ZMYND8: variants seen among roughly 807,000 people sequenced by gnomAD.
The protein encoded by ZMYND8 is MYND-type zinc finger-containing chromatin reader ZMYND8.
Under a neutral mutation model 140.8 loss-of-function variants are expected in ZMYND8, and 37 were observed. That is an observed-to-expected ratio of 0.26 (90% CI 0.20 to 0.35). ZMYND8 has a LOEUF of 0.35. Ranked by LOEUF, ZMYND8 falls within the 10% of genes least tolerant of loss-of-function variation. The pLI is 1.00. For missense variants in ZMYND8, 1,068 were observed against 1,570.0 expected, an observed-to-expected ratio of 0.68 and a Z score of 5.40; for synonymous variants, 592 against 597.1, an observed-to-expected ratio of 0.99 and a Z score of 0.12.
chr20:47,271,072 G>A (rs539966536), intron 11 of ZMYND8, among the ~76,000 whole-genome samples: 11 of 151,680 alleles, frequency 7.3e-5, no homozygotes, highest in Admixed American at 3.3e-4. Flanking sequence ...GTGAGACTCC[G>A]TCTAAAAAGA....
intron 21 of ZMYND8, 140 bp downstream of exon 21, chr20:47,220,117 AC>A: frequency 1.6e-6 from 1 of 607,154 alleles, no homozygotes. Flanking sequence ...ACCCCCACTG[AC>A]CCACCCCAGG....
At chr20:47,216,202 C>CA (rs768047907) in intron 21 of ZMYND8, among the ~76,000 whole-genome samples, 4 of 152,134 alleles carry the variant, frequency 2.6e-5, no homozygotes, top group Non-Finnish European at 4.4e-5. Flanking sequence ...TGGGTCACAA[C>CA]ACAGGCCTCT....
intron 3 of ZMYND8, among the ~76,000 whole-genome samples, chr20:47,307,207 T>A (rs541907435): frequency 5.7e-4 from 86 of 151,892 alleles, no homozygotes; most frequent in Non-Finnish European, 7.8e-4. Context: ...TACCAGCACT[T>A]TGGGAGGCCG....
In ZMYND8 at chr20:47,338,675, T is replaced by C. The variant is rs551973639; in HGVS notation, c.85+9181A>G. ...AAGCTACCACCACCGCCACTCACTA[T>C]GGGGCACGAGAGCTCAGTTTCACAT... On this transcript the variant is annotated intron_variant, in intron 2 of 22. Coordinates refer to ENST00000471951, the MANE Select transcript of ZMYND8 (RefSeq NM_001281775.3). 3.3e-5 allele frequency among the ~76,000 whole-genome samples: 5 copies of C among 152,282 alleles called. No homozygotes were observed. In the East Asian group the frequency reaches 5.8e-4, roughly 18 times the overall value.
chr20:47,224,879 C>T (rs1325045621), intron 18 of ZMYND8, among the ~76,000 whole-genome samples: 2 of 151,326 alleles, frequency 1.3e-5, no homozygotes, highest in Non-Finnish European at 2.9e-5. Context: ...CCAAAACTCA[C>T]TTTCTATCCT....
chr20:47,245,064 C>G (rs11906524), intron 14 of ZMYND8, among the ~76,000 whole-genome samples: 11,647 of 152,050 alleles, frequency 0.077, 632 homozygotes, highest in South Asian at 0.21. Flanking sequence ...TCCGCCCCCC[C>G]TCCCCAAAAA....
intron 12 of ZMYND8, among the ~76,000 whole-genome samples, chr20:47,258,906 A>G (rs924413177): frequency 6.6e-6 from 1 of 152,002 alleles, no homozygotes; most frequent in African/African-American, 2.4e-5. Flanking sequence ...CACATTCCCA[A>G]TGCTCTTGTT....
At chr20:47,214,250 T>C (rs1273652572) in intron 21 of ZMYND8, among the ~76,000 whole-genome samples, 2 of 152,224 alleles carry the variant, frequency 1.3e-5, no homozygotes, top group Non-Finnish European at 2.9e-5. Flanking sequence ...GTCTTTTTGC[T>C]TTGACGTGAC....
intron 19 of ZMYND8, among the ~76,000 whole-genome samples, chr20:47,221,777 T>C (rs960547402): frequency 3.3e-5 from 5 of 152,222 alleles, no homozygotes; most frequent in African/African-American, 1.2e-4. Flanking sequence ...AGTGATTCTC[T>C]TGTCTCAGCC....
chr20:47,319,697 G>A (rs1048878436), intron 2 of ZMYND8: 1 of 152,330 alleles, frequency 6.6e-6, no homozygotes, highest in African/African-American at 2.4e-5. Context: ...AACAACTAGA[G>A]GCAATAGCAA....
At chr20:47,245,930 C>T (rs1036454003) in intron 14 of ZMYND8, 78 bp downstream of exon 14, 1 of 1,514,904 alleles carries the variant, frequency 6.6e-7, no homozygotes, top group Non-Finnish European at 8.8e-7. Context: ...TTAAGGGTCA[C>T]ATAACTTTTG....
intron 2 of ZMYND8, among the ~76,000 whole-genome samples, chr20:47,322,010 G>A (rs2079999243): frequency 1.3e-5 from 2 of 151,744 alleles, no homozygotes; most frequent in Non-Finnish European, 2.9e-5. Context: ...ACAGGCACAG[G>A]CCACCATGCC....
chr20:47,246,038 C>T lies in ZMYND8; in HGVS notation c.2254G>A (p.Glu752Lys). 1.9e-6 allele frequency: 3 copies of T among 1,604,412 alleles called. No homozygotes were observed. The highest frequency in any genetic ancestry group is 2.5e-6 in the Non-Finnish European group (3 of 1,176,934). The change falls in exon 14 of 23, where the codon GAA (glutamate) becomes AAA (lysine). Residue 752 changes from glutamate to lysine, a missense_variant. Physicochemically the swap from Glu to Lys is moderately conservative, Grantham distance 56. Transcript: ENST00000471951. ...TGTTTGGGAGATGGTTCTTTGGGTT[C>T]CTTCTTATTTTTTCGACCCTCCCGC... is the stretch of plus-strand genomic sequence containing the variant. The part of the protein sequence containing the change: ...SGREGRKNKK[E>K]PKEPSPKQDV...
intron 11 of ZMYND8, among the ~76,000 whole-genome samples, chr20:47,274,233 CAT>C (rs1601509700): frequency 6.6e-6 from 1 of 152,222 alleles, no homozygotes; most frequent in East Asian, 1.9e-4. Context: ...ATATATATGC[CAT>C]GTTTCATTTT....
chr20:47,286,147 C>A (rs1005890389), intron 8 of ZMYND8, among the ~76,000 whole-genome samples: 1 of 151,356 alleles, frequency 6.6e-6, no homozygotes, highest in African/African-American at 2.4e-5. Context: ...ATAACTATAT[C>A]TATATATAGA....
chr20:47,284,221 C>CCCA (rs2076783916), intron 8 of ZMYND8, among the ~76,000 whole-genome samples: 1 of 152,126 alleles, frequency 6.6e-6, no homozygotes, highest in Non-Finnish European at 1.5e-5. Flanking sequence ...CCATGCCCAA[C>CCCA]CCAGAGCCAC....
At chr20:47,302,521 G>A (rs944655719) in intron 3 of ZMYND8, among the ~76,000 whole-genome samples, 2 of 152,048 alleles carry the variant, frequency 1.3e-5, no homozygotes, top group African/African-American at 4.8e-5. Flanking sequence ...CTATGTATAT[G>A]CAAATATTCC....
At position 47,210,686 on chromosome 20, in the gene ZMYND8, C is replaced by T. The variant is rs1408692761; in HGVS notation, c.*75G>A. On this transcript the variant is annotated 3_prime_UTR_variant, in exon 23 of 23. Transcript: ENST00000471951. ...AGTCTGAAAGTGGCTGTTCTCCTGC[C>T]TTTGTTGTTTCTTCTTTTCCTGGCG... The T allele has an allele frequency of 1.9e-6, 3 of 1,612,416 alleles. No homozygotes were observed. Among genetic ancestry groups the T allele is most frequent in the Middle Eastern group, 1.6e-4 (1 of 6,062 alleles).
chr20:47,304,405 C>T (rs2078318382), intron 3 of ZMYND8, among the ~76,000 whole-genome samples: 1 of 152,206 alleles, frequency 6.6e-6, no homozygotes, highest in African/African-American at 2.4e-5. Flanking sequence ...CACTGTAGGG[C>T]AAAAGCACAC....
Sources: allele counts gnomAD v4.1 joint callset (sites outside exome capture counted in the v4.1 genomes callset), GRCh38; gene constraint gnomAD v4.1.1; transcripts MANE v1.5; gene names NCBI Gene and HGNC (gene_info 2026-07-23, HGNC 2026-07-21).